The following CCDC149 variants were observed in gnomAD, a reference collection of about 807,000 sequenced individuals.
CCDC149 encodes the protein coiled-coil domain containing 149, also known as coiled-coil domain-containing protein 149.
Under a neutral mutation model 59.9 loss-of-function variants are expected in CCDC149, and 45 were observed. The ratio of observed to expected loss-of-function variants is 0.75; its 90% confidence interval spans 0.59 to 0.96. The LOEUF is 0.96. CCDC149 is among the 40% of genes least tolerant of loss of function. The pLI is 0.00. For synonymous variants in CCDC149, 245 were observed against 260.6 expected, an observed-to-expected ratio of 0.94 and a Z score of 0.58; for missense variants, 584 against 664.7, an observed-to-expected ratio of 0.88 and a Z score of 1.33.
intron 3 of CCDC149, among the ~76,000 whole-genome samples, chr4:24,854,934 T>A (rs1040349641): frequency 1.3e-5 from 2 of 152,190 alleles, no homozygotes; most frequent in African/African-American, 4.8e-5. Context: ...ACAGGGTCCA[T>A]CTTAACCGAT....
chr4:24,931,849 A>ATATGTATATATATATATATATATACATG (rs1722602040), intron 1 of CCDC149, among the ~76,000 whole-genome samples: 1 of 143,990 alleles, frequency 6.9e-6, no homozygotes, highest in African/African-American at 2.6e-5. Flanking sequence ...ATATATATAT[A>ATATGTATATATATATATATATATACATG]TATGCATAAT....
At chr4:24,835,284 A>C (rs1249037798) in intron 7 of CCDC149, among the ~76,000 whole-genome samples, 1 of 152,254 alleles carries the variant, frequency 6.6e-6, no homozygotes, top group Non-Finnish European at 1.5e-5. Context: ...GTATACAAAA[A>C]GCACTTAATA....
chr4:24,873,580 C>G, intron 3 of CCDC149, 101 bp downstream of exon 3: 1 of 826,440 alleles, frequency 1.2e-6, no homozygotes, highest in Non-Finnish European at 2.0e-6. Context: ...AGAAAGAATT[C>G]CAGGAAATTA....
chr4:24,887,775 G>C (rs1463198139), intron 1 of CCDC149, among the ~76,000 whole-genome samples: 2 of 151,204 alleles, frequency 1.3e-5, no homozygotes, highest in Non-Finnish European at 2.9e-5. Flanking sequence ...AGTCCCTTTG[G>C]AGAATGTAAA....
In CCDC149 at chr4:24,947,709, G is replaced by A. The variant is rs192128789; in HGVS notation, c.-65+32360C>T. On this transcript the variant is annotated intron_variant, in intron 1 of 12. Coordinates refer to the CCDC149 transcript ENST00000389609. ...CAAAATTTGCCACCACTCATCTTGT[G>A]GGCTTCATATAAAAAATACAAAATG... Among the ~76,000 whole-genome samples the A allele has an allele frequency of 3.3e-3, 501 of 152,104 alleles. 3 individuals are homozygous for A. The highest frequency in any genetic ancestry group is 6.8e-3 in the Middle Eastern group (2 of 294).
intron 12 of CCDC149, among the ~76,000 whole-genome samples, chr4:24,815,666 C>T (rs1457352648): frequency 1.3e-5 from 2 of 152,168 alleles, no homozygotes; most frequent in Non-Finnish European, 2.9e-5. Flanking sequence ...TCTTCTCTAC[C>T]TTAATTTACA....
intron 1 of CCDC149, among the ~76,000 whole-genome samples, chr4:24,911,747 C>A (rs1721882942): frequency 6.6e-6 from 1 of 152,206 alleles, no homozygotes; most frequent in Non-Finnish European, 1.5e-5. Context: ...ACGCTCTGCA[C>A]ACACTGGGCA....
intron 1 of CCDC149, among the ~76,000 whole-genome samples, chr4:24,903,718 AT>A (rs918340680): frequency 2.0e-5 from 3 of 151,908 alleles, no homozygotes; most frequent in Non-Finnish European, 4.4e-5. Context: ...AGATTCCCTC[AT>A]GTTTCTCTGC....
chr4:24,832,514 T>C (rs1179746865), intron 8 of CCDC149, among the ~76,000 whole-genome samples: 16 of 152,250 alleles, frequency 1.1e-4, no homozygotes, highest in Admixed American at 1.0e-3. Flanking sequence ...ATTGAAGGAC[T>C]GAGACCCATA....
At chr4:24,968,322 G>A (rs1723864126) in intron 1 of CCDC149, among the ~76,000 whole-genome samples, 1 of 152,250 alleles carries the variant, frequency 6.6e-6, no homozygotes, top group Non-Finnish European at 1.5e-5. Context: ...GCTTGTGAGA[G>A]TGTGACAGGA....
chr4:24,966,694 T>C (rs903869225), intron 1 of CCDC149, among the ~76,000 whole-genome samples: 4 of 152,204 alleles, frequency 2.6e-5, no homozygotes, highest in African/African-American at 9.6e-5. Flanking sequence ...GAGACAGTTG[T>C]CTCTGGAGCA....
chr4:24,862,059 C>T (rs979845244), intron 3 of CCDC149, among the ~76,000 whole-genome samples: 2 of 152,254 alleles, frequency 1.3e-5, no homozygotes, highest in Middle Eastern at 3.4e-3. Context: ...CAGAGACAGT[C>T]GGCACCAAGA....
In CCDC149 at chr4:24,876,302, C is replaced by T. The variant is rs1240553847; in HGVS notation, c.225+234G>A. Among the ~76,000 whole-genome samples the T allele has an allele frequency of 4.9e-4, 43 of 87,812 alleles. No homozygotes were observed. The Middle Eastern group carries it at 0.018, about 37-fold the overall frequency. The allele number at this position is 87,812 out of a possible 152,430, so 57.6% of individuals were successfully genotyped here. A position where few individuals can be genotyped will look rare whatever the true frequency, so the allele number is the denominator to read the frequency against. On this transcript the variant is annotated intron_variant, in intron 2 of 12. Coordinates refer to ENST00000635206, the MANE Select transcript of CCDC149 (RefSeq NM_001330643.2). ...ATATACATACACACGTACACACACA[C>T]ACACACACACACACACACACACACA...
chr4:24,851,695 G>C (rs1159347994), intron 4 of CCDC149, among the ~76,000 whole-genome samples: 1 of 152,060 alleles, frequency 6.6e-6, no homozygotes, highest in Non-Finnish European at 1.5e-5. Context: ...GTATTTTCAT[G>C]GGCTTAAAGA....
chr4:24,881,446 G>T (rs1719836039), intron 1 of CCDC149, among the ~76,000 whole-genome samples: 1 of 152,240 alleles, frequency 6.6e-6, no homozygotes, highest in African/African-American at 2.4e-5. Flanking sequence ...AGCACAGGTT[G>T]CTATAGGGTT....
At chr4:24,888,598 C>G (rs1251607012) in intron 1 of CCDC149, among the ~76,000 whole-genome samples, 1 of 152,158 alleles carries the variant, frequency 6.6e-6, no homozygotes, top group Non-Finnish European at 1.5e-5. Context: ...CTTGGAGATA[C>G]ATGTATATTT....
chr4:24,910,031 C>T (rs914882971), intron 1 of CCDC149, among the ~76,000 whole-genome samples: 1 of 152,188 alleles, frequency 6.6e-6, no homozygotes, highest in Admixed American at 6.5e-5. Context: ...CTTAAAACAA[C>T]AGGAGTGTAT....
intron 1 of CCDC149, among the ~76,000 whole-genome samples, chr4:24,925,917 G>A (rs1025300685): frequency 1.4e-4 from 21 of 152,104 alleles, no homozygotes; most frequent in East Asian, 1.4e-3. Context: ...ATTCTTGGCC[G>A]GGCATGGTGG....
Position 24,807,958 on chromosome 4 carries a change from G to A in CCDC149, c.*431C>T, listed in dbSNP as rs967128614. 6.5e-6 allele frequency: 1 copy of A among 153,464 alleles called. No individual in the cohort carries two copies. Among genetic ancestry groups the A allele is most frequent in the Non-Finnish European group, 1.4e-5 (1 of 68,984 alleles). 9.5% of individuals were successfully genotyped at this position (153,464 alleles called of 1,614,324 possible). A position where few individuals can be genotyped will look rare whatever the true frequency, so the allele number is the denominator to read the frequency against. On this transcript the variant is annotated 3_prime_UTR_variant, in exon 13 of 13. Transcript: ENST00000635206. ...CTCAATTATACCTTCCTCTCCAGCTGCCTAACCTTGACCAAGATGGGGACC... is the reference window on the plus strand; with the variant it reads ...CTCAATTATACCTTCCTCTCCAGCTACCTAACCTTGACCAAGATGGGGACC...
Sources: gnomAD v4.1 joint callset for allele counts (sites outside exome capture counted in the v4.1 genomes callset) on GRCh38, gnomAD v4.1.1 for gene constraint, MANE v1.5 for transcripts, NCBI Gene and HGNC (gene_info 2026-07-23, HGNC 2026-07-21) for gene names.